D2HGDH: variants seen among roughly 807,000 people sequenced by gnomAD.
The protein encoded by D2HGDH is D-2-hydroxyglutarate dehydrogenase, mitochondrial.
A neutral mutation model predicts 46.9 loss-of-function variants in D2HGDH; 31 were observed. The observed-to-expected ratio is 0.66, with a 90% confidence interval of 0.50 to 0.89. The LOEUF (loss-of-function observed/expected upper bound fraction) is 0.89. Ranked by LOEUF, D2HGDH falls within the 40% of genes least tolerant of loss-of-function variation. The probability of loss-of-function intolerance (pLI) is 0.00; values close to 1 mark genes in which losing one functional copy is unlikely to be tolerated. For missense variants in D2HGDH, 698 were observed against 720.8 expected, an observed-to-expected ratio of 0.97 and a Z score of 0.36; for synonymous variants, 364 against 332.6, an observed-to-expected ratio of 1.09 and a Z score of -1.03.
At chr2:241,764,199 G>T (rs1383429064) in intron 9 of D2HGDH, among the ~76,000 whole-genome samples, 1 of 152,302 alleles carries the variant, frequency 6.6e-6, no homozygotes, top group African/African-American at 2.4e-5. Flanking sequence ...CGGGGACTGG[G>T]GGGCGACGGG....
At chr2:241,741,976 C>T (rs956732860) in intron 3 of D2HGDH, among the ~76,000 whole-genome samples, 10 of 152,172 alleles carry the variant, frequency 6.6e-5, no homozygotes, top group Admixed American at 2.0e-4. Flanking sequence ...GTGCTCTAGG[C>T]TTTGGGGCTT....
At chr2:241,744,981 C>CCA in intron 6 of D2HGDH, 104 bp downstream of exon 6, 1 of 1,475,292 alleles carries the variant, frequency 6.8e-7, no homozygotes, top group Non-Finnish European at 9.4e-7. Flanking sequence ...GACCCCCCGC[C>CCA]AAGGACAGTC....
At chr2:241,749,728 C>T (rs935147371) in intron 6 of D2HGDH, 4 of 333,008 alleles carry the variant, frequency 1.2e-5, no homozygotes, top group Non-Finnish European at 2.3e-5. Context: ...GGCGCCTTCC[C>T]CTCCTGATTT....
Position 241,742,352 on chromosome 2 carries a change from G to T in D2HGDH, c.351-83G>T. On this transcript the variant is annotated intron_variant, in intron 3 of 9. Transcript: ENST00000321264. This position sits in a 1 kb window ranked among gnomAD's most constrained non-coding sequence, Gnocchi z 4.8. ...CAGGGTAATCAGGATTTGGAGTCAG[G>T]CACTGGTCCTGCGGCGTGTCCTTGG... The T allele has an allele frequency of 1.3e-6, 2 of 1,504,038 alleles. No homozygotes were observed. Among genetic ancestry groups the T allele is most frequent in the Non-Finnish European group, 9.0e-7 (1 of 1,115,204 alleles). The allele number at this position is 1,504,038 out of a possible 1,614,324, so 93.2% of individuals were successfully genotyped here.
chr2:241,761,247 A>G (rs182679060), intron 9 of D2HGDH, among the ~76,000 whole-genome samples: 54 of 152,288 alleles, frequency 3.5e-4, no homozygotes, highest in African/African-American at 1.2e-3. Context: ...GATTTAAAGT[A>G]TACAGGAGGG....
At chr2:241,740,781 C>A (rs1196552941) in intron 2 of D2HGDH, among the ~76,000 whole-genome samples, 1 of 152,156 alleles carries the variant, frequency 6.6e-6, no homozygotes, top group African/African-American at 2.4e-5. Context: ...CCTGTCTCTA[C>A]TAAAAATACA....
chr2:241,745,109 G>A (rs1559365620), intron 6 of D2HGDH, among the ~76,000 whole-genome samples: 4 of 152,206 alleles, frequency 2.6e-5, no homozygotes, highest in Non-Finnish European at 5.9e-5. Flanking sequence ...CTGGTCAGAG[G>A]ACACTTCATT....
intron 9 of D2HGDH, among the ~76,000 whole-genome samples, chr2:241,763,994 C>A (rs929887257): frequency 7.9e-5 from 12 of 152,226 alleles, no homozygotes; most frequent in Admixed American, 7.9e-4. Context: ...AAGTGTGAGC[C>A]ACGATCACTC....
In D2HGDH at chr2:241,751,253, G is replaced by A. The variant is rs1232743150; in HGVS notation, c.1005G>A (p.Pro335=). 23 of 1,613,904 alleles carry A rather than the reference G, an allele frequency of 1.4e-5. No individual in the cohort carries two copies. The highest frequency in any genetic ancestry group is 4.0e-5 in the African/African-American group (3 of 74,928). ...LHLASPVQES[P]FYVLIETSGS... is the part of the protein sequence containing the mutation. ...TTCCTTGCTCACTTCTAGAGAGTCCGTTTTACGTCCTCATCGAGACTTCAG... is the reference window on the plus strand; with the variant it reads ...TTCCTTGCTCACTTCTAGAGAGTCCATTTTACGTCCTCATCGAGACTTCAG... Residue 335 remains proline (P), a synonymous_variant, in exon 8 of 10, where the codon CCG becomes CCA. Transcript: ENST00000321264.
At chr2:241,755,312 CCTTGAGCTG>C in intron 8 of D2HGDH, 1 of 1,303,522 alleles carries the variant, frequency 7.7e-7, no homozygotes, top group Non-Finnish European at 1.0e-6. Flanking sequence ...CCGACATGCC[CCTTGAGCTG>C]CCTGGGCCCT....
chr2:241,763,182 CGTCCTGAGAAATGTGTCATTAGGT>C (rs1698987634), intron 9 of D2HGDH, among the ~76,000 whole-genome samples: 2 of 152,166 alleles, frequency 1.3e-5, no homozygotes, highest in Admixed American at 6.5e-5. Context: ...GATGGGGATG[CGTCCTGAGAAATGTGTCATTAGGT>C]GGTTTCGTTT....
At chr2:241,753,875 A>G (rs2125150850) in intron 8 of D2HGDH, among the ~76,000 whole-genome samples, 1 of 152,354 alleles carries the variant, frequency 6.6e-6, no homozygotes, top group East Asian at 1.9e-4. Flanking sequence ...CAGAAGGAAC[A>G]AGCTCAGCCC....
At chr2:241,764,788 C>T (rs181485149) in intron 9 of D2HGDH, among the ~76,000 whole-genome samples, 1 of 152,358 alleles carries the variant, frequency 6.6e-6, no homozygotes, top group East Asian at 1.9e-4. Context: ...CGTTAAAAGC[C>T]GCTGTCCTTG....
chr2:241,740,544 G>A (rs1465076618), intron 2 of D2HGDH, among the ~76,000 whole-genome samples: 1 of 152,180 alleles, frequency 6.6e-6, no homozygotes, highest in East Asian at 1.9e-4. Context: ...TTTTGAGATG[G>A]CTTCTTGCTC....
chr2:241,768,366 G>A lies in D2HGDH; in HGVS notation c.*397G>A, dbSNP rs773149038. On this transcript the variant is annotated 3_prime_UTR_variant, in exon 10 of 10. Coordinates refer to ENST00000321264, the MANE Select transcript of D2HGDH (RefSeq NM_152783.5). ...CTTGCTGCTCGTTCCCCGGGCATGC[G>A]TGGGCAGCGGGGGGCATGCGTGGGC... 2.8e-5 allele frequency: 6 copies of A among 214,778 alleles called. No individual in the cohort carries two copies. The highest frequency in any genetic ancestry group is 1.6e-4 in the Admixed American group (3 of 18,268). 13.3% of individuals were successfully genotyped at this position (214,778 alleles called of 1,614,324 possible).
chr2:241,742,548 G>A lies in D2HGDH; in HGVS notation c.464G>A (p.Arg155Gln), dbSNP rs201147243. The change falls in exon 4 of 10, where the codon CGG becomes CAG. Residue 155 changes from arginine (R) to glutamine (Q), a missense_variant. Transcript: ENST00000321264. This position sits in a 1 kb window ranked among gnomAD's most constrained non-coding sequence, Gnocchi z 4.8. ...EIILSTARMNRVLSFHSVSGI... is the reference protein window; with the variant it reads ...EIILSTARMNQVLSFHSVSGI... ...ATCCTCTCCACTGCCCGCATGAACC[G>A]GGTCCTCAGCTTCCACAGCGTGTCT... 30 of 1,614,098 alleles carry A rather than the reference G, an allele frequency of 1.9e-5. No individual in the cohort carries two copies. The highest frequency in any genetic ancestry group is 3.3e-4 in the Middle Eastern group (2 of 6,062).
intron 2 of D2HGDH, 120 bp downstream of exon 2, chr2:241,735,636 G>T: frequency 7.2e-7 from 1 of 1,392,446 alleles, no homozygotes; most frequent in South Asian, 1.2e-5. Flanking sequence ...TGGCTGCGCT[G>T]AGAGGGGCGT....
Position 241,743,994 on chromosome 2 carries a change from G to A in D2HGDH, c.684+179G>A, listed in dbSNP as rs777489347. Among the ~76,000 whole-genome samples, 11 of 152,242 alleles carry A rather than the reference G, an allele frequency of 7.2e-5. No individual in the cohort carries two copies. The highest frequency in any genetic ancestry group is 2.7e-4 in the African/African-American group (11 of 41,472). On this transcript the variant is annotated intron_variant, in intron 5 of 9. Transcript: ENST00000321264. This position sits in a 1 kb window ranked among gnomAD's most constrained non-coding sequence, Gnocchi z 4.8. The stretch of plus-strand genomic sequence containing the variant: ...ACACCCCCATCCTGAGGGAGGCCTG[G>A]CCCTGCCCTGTCCTCCCACGAGAGG...
In D2HGDH at chr2:241,741,015, A is replaced by C. The variant is rs4073889; in HGVS notation, c.293-18A>C. ...AGCTCCCCCCACGCTGTCTCATAGG[A>C]TCTTCTTCCTGTCACAGGCTGTAGC... is the stretch of plus-strand genomic sequence containing the variant. On this transcript the variant is annotated intron_variant, in intron 2 of 9. Coordinates refer to ENST00000321264, the MANE Select transcript of D2HGDH (RefSeq NM_152783.5). 13 of 1,611,050 alleles carry C rather than the reference A, an allele frequency of 8.1e-6. No homozygotes were observed. The highest frequency in any genetic ancestry group is 1.0e-5 in the Non-Finnish European group (12 of 1,177,786).
Sources: gnomAD v4.1 joint callset for allele counts (sites outside exome capture counted in the v4.1 genomes callset) on GRCh38, gnomAD v4.1.1 for gene constraint, Gnocchi (gnomAD v3.1) non-coding constraint, MANE v1.5 for transcripts, NCBI Gene and HGNC (gene_info 2026-07-23, HGNC 2026-07-21) for gene names.